Variants in NECAP1 observed in about 807,000 individuals in gnomAD.
NECAP1 encodes NECAP endocytosis associated 1.
In NECAP1, 13 loss-of-function variants were observed where a neutral mutation model predicts 33.4. The ratio of observed to expected loss-of-function variants is 0.39; its 90% CI spans 0.25 to 0.62. The LOEUF (loss-of-function observed/expected upper bound fraction) is 0.62, where lower values mean the gene tolerates loss of function less well. Ranked by LOEUF, NECAP1 falls within the 20% of genes least tolerant of loss-of-function variation. NECAP1 has a pLI of 0.52. For missense variants in NECAP1, 272 were observed against 347.4 expected, an observed-to-expected ratio of 0.78 and a Z score of 1.73; for synonymous variants, 109 against 125.2, an observed-to-expected ratio of 0.87 and a Z score of 0.86.
At chr12:8,083,519 T>C (rs1427775617) in intron 1 of NECAP1, among the ~76,000 whole-genome samples, 1 of 126,716 alleles carries the variant, frequency 7.9e-6, no homozygotes, top group African/African-American at 3.0e-5. Flanking sequence ...AACCTCCGCC[T>C]CCTGGGTTCA....
At chr12:8,086,429 A>G (rs1014019320) in intron 1 of NECAP1, among the ~76,000 whole-genome samples, 1 of 146,864 alleles carries the variant, frequency 6.8e-6, no homozygotes. Context: ...CCTGGCCAAC[A>G]TGGTGAAACC....
chr12:8,089,045 T>G (rs1432728239), intron 1 of NECAP1: 1 of 152,216 alleles, frequency 6.6e-6, no homozygotes, highest in African/African-American at 2.4e-5. Flanking sequence ...ACCTTAGAAC[T>G]CACCACTTTC....
chr12:8,082,774 T>TCACA lies in NECAP1; in HGVS notation c.95+431_95+434dup, dbSNP rs58270520. 1.8e-3 allele frequency: 258 copies of TCACA among 141,704 alleles called. 3 individuals carry two copies. Among genetic ancestry groups the TCACA allele is most frequent in the African/African-American group, 7.1e-3 (248 of 34,724 alleles). The allele number at this position is 141,704 out of a possible 1,614,324, so 8.8% of individuals were successfully genotyped here. ...CTCATCCTTTCTCTCTCTCTCTCTCTCACACACACACACACACACACACAC... is the reference window on the plus strand; with the variant it reads ...CTCATCCTTTCTCTCTCTCTCTCTCTCACACACACACACACACACACACACACAC... On this transcript the variant is annotated intron_variant, in intron 1 of 7. Transcript: ENST00000339754.
At chr12:8,085,686 C>CTTCTTTTTTTTTTTT (rs1947481617) in intron 1 of NECAP1, among the ~76,000 whole-genome samples, 2 of 104,810 alleles carry the variant, frequency 1.9e-5, no homozygotes, top group Non-Finnish European at 1.8e-5. Context: ...ACTTAATCTT[C>CTTCTTTTTTTTTTTT]TTTTTTTTTT....
intron 4 of NECAP1, chr12:8,092,348 G>A: frequency 3.6e-6 from 1 of 277,652 alleles, no homozygotes; most frequent in South Asian, 5.1e-5. Context: ...AAAGCTAAGA[G>A]CAAGCTTTAA....
At chr12:8,090,168 CAAA>C in intron 2 of NECAP1, 24 bp from the exon 3 acceptor site, 1 of 1,612,084 alleles carries the variant, frequency 6.2e-7, no homozygotes. Context: ...TTGCTTTACT[CAAA>C]AAAGTCTTTC....
At chr12:8,090,326 A>T in intron 3 of NECAP1, 27 bp downstream of exon 3, 1 of 1,595,458 alleles carries the variant, frequency 6.3e-7, no homozygotes, top group Non-Finnish European at 8.6e-7. Context: ...TTTGAGTGGA[A>T]CGAAGTTAGG....
chr12:8,085,400 C>T (rs1015900922), intron 1 of NECAP1, among the ~76,000 whole-genome samples: 3 of 152,206 alleles, frequency 2.0e-5, no homozygotes, highest in Admixed American at 6.5e-5. Flanking sequence ...TTTATACTTA[C>T]ATCAGTTAAC....
rs746256655 is a variant in NECAP1, at chr12:8,082,324, T to C, written c.36T>C (p.Cys12=). The C allele has an allele frequency of 2.5e-6, 4 of 1,613,668 alleles. No homozygotes were observed. The highest frequency in any genetic ancestry group is 1.3e-5 in the African/African-American group (1 of 75,034). The stretch of plus-strand genomic sequence containing the variant: ...AGTTGGAGTACGAGTCTGTGCTGTG[T>C]GTGAAGCCAGACGTCAGCGTCTACC... ...ATELEYESVL[C]VKPDVSVYRI... The change falls in exon 1 of 8, where the codon TGT becomes TGC. Residue 12 remains cysteine (C), a synonymous_variant. Coordinates refer to ENST00000339754, the MANE Select transcript of NECAP1 (RefSeq NM_015509.4).
rs773849648 is a variant in NECAP1 at position 8,093,199 on chromosome 12, C to T, written c.676+144C>T. The stretch of plus-strand genomic sequence containing the variant: ...ATTCTGTCAGCTTCTAGCAAGGAAT[C>T]AAAGCTTTTCTAGTGAACTAAGAGT... On this transcript the variant is annotated intron_variant, in intron 6 of 7. Transcript: ENST00000339754. 9.1e-6 allele frequency: 7 copies of T among 769,592 alleles called. No individual in the cohort carries two copies. In the African/African-American group the frequency reaches 1.3e-4, roughly 14 times the overall value. The allele number at this position is 769,592 out of a possible 1,614,324, so 47.7% of individuals were successfully genotyped here.
chr12:8,085,193 T>C (rs1202927359), intron 1 of NECAP1, among the ~76,000 whole-genome samples: 1 of 152,142 alleles, frequency 6.6e-6, no homozygotes, highest in African/African-American at 2.4e-5. Flanking sequence ...CTAATTTTTG[T>C]ATATTTAGTA....
At chr12:8,083,774 TATC>T (rs1259068210) in intron 1 of NECAP1, among the ~76,000 whole-genome samples, 4 of 142,158 alleles carry the variant, frequency 2.8e-5, no homozygotes, top group Admixed American at 2.1e-4. Context: ...GGTCTCGTTC[TATC>T]ATCCAGGCTG....
chr12:8,095,153 T>G (rs1293624470), intron 6 of NECAP1: 1 of 164,334 alleles, frequency 6.1e-6, no homozygotes, highest in Non-Finnish European at 1.3e-5. Context: ...CTAGGTTGTT[T>G]ACAGTTTTTG....
chr12:8,082,618 G>A (rs963194479), intron 1 of NECAP1, among the ~76,000 whole-genome samples: 3 of 151,098 alleles, frequency 2.0e-5, no homozygotes, highest in Admixed American at 1.3e-4. Flanking sequence ...ACCACTCTGC[G>A]TTATTCCACT....
chr12:8,097,683 C>G lies in NECAP1; in HGVS notation c.*1593C>G, dbSNP rs1340824626. ...TGATAATATATTATGTATTTGAATT[C>G]CTGAAAAATGGAAAATGTTTAAGAT... On this transcript the variant is annotated 3_prime_UTR_variant, in exon 8 of 8. Transcript: ENST00000339754. 6.6e-6 allele frequency: 1 copy of G among 152,406 alleles called. No individual in the cohort carries two copies. The highest frequency in any genetic ancestry group is 1.5e-5 in the Non-Finnish European group (1 of 67,996). The allele number at this position is 152,406 out of a possible 1,614,324, so 9.4% of individuals were successfully genotyped here.
chr12:8,086,428 C>A (rs1947490365), intron 1 of NECAP1, among the ~76,000 whole-genome samples: 1 of 151,974 alleles, frequency 6.6e-6, no homozygotes, highest in African/African-American at 2.4e-5. Context: ...GCCTGGCCAA[C>A]ATGGTGAAAC....
intron 1 of NECAP1, chr12:8,083,104 T>C (rs898506593): frequency 6.6e-6 from 1 of 152,302 alleles, no homozygotes; most frequent in African/African-American, 2.4e-5. Flanking sequence ...CCTCCAAAGT[T>C]GAGGCAGCAT....
chr12:8,094,134 T>C (rs1406301202), intron 6 of NECAP1, among the ~76,000 whole-genome samples: 2 of 152,234 alleles, frequency 1.3e-5, no homozygotes, highest in African/African-American at 4.8e-5. Context: ...GCTTTCTCTT[T>C]CTGGAATTTT....
chr12:8,083,299 G>C (rs1947458694), intron 1 of NECAP1, among the ~76,000 whole-genome samples: 1 of 151,750 alleles, frequency 6.6e-6, no homozygotes, highest in South Asian at 2.1e-4. Context: ...TGTTAGTGAT[G>C]ATACCTGCGC....
Sources: allele counts gnomAD v4.1 joint callset (sites outside exome capture counted in the v4.1 genomes callset), GRCh38; gene constraint gnomAD v4.1.1; transcripts MANE v1.5; gene names NCBI Gene and HGNC (gene_info 2026-07-23, HGNC 2026-07-21).